SCAMP1: variants seen among roughly 807,000 people sequenced by gnomAD.
The protein encoded by SCAMP1 is secretory carrier membrane protein 1, also known as secretory carrier-associated membrane protein 1.
In SCAMP1, 15 loss-of-function variants were observed where a neutral mutation model predicts 41.8. The ratio of observed to expected loss-of-function variants is 0.36; its 90% CI spans 0.24 to 0.55. The LOEUF (loss-of-function observed/expected upper bound fraction) is 0.55, where lower values mean the gene tolerates loss of function less well. Among genes scored for constraint, SCAMP1 ranks in the 20% least tolerant of loss-of-function variants. The pLI is 0.86. For synonymous variants in SCAMP1, 135 were observed against 136.8 expected (o/e 0.99, Z 0.09); for missense variants, 341 against 412.6 (o/e 0.83, Z 1.50).
At chr5:78,395,066 A>G (rs1276557917) in intron 2 of SCAMP1, among the ~76,000 whole-genome samples, 1 of 152,238 alleles carries the variant, frequency 6.6e-6, no homozygotes, top group Non-Finnish European at 1.5e-5. Context: ...AGGTCAGATT[A>G]GGTCATCTAC....
chr5:78,457,624 A>C (rs1418892745), intron 7 of SCAMP1, among the ~76,000 whole-genome samples: 1 of 152,214 alleles, frequency 6.6e-6, no homozygotes, highest in Non-Finnish European at 1.5e-5. Flanking sequence ...TGCAGAGGTT[A>C]CTGCTGACTT....
At chr5:78,416,117 C>A (rs1487277726) in intron 3 of SCAMP1, among the ~76,000 whole-genome samples, 1 of 152,160 alleles carries the variant, frequency 6.6e-6, no homozygotes, top group Non-Finnish European at 1.5e-5. Context: ...AGAAAATATT[C>A]TTGCATTGGT....
At chr5:78,466,034 A>G (rs897977531) in intron 8 of SCAMP1, among the ~76,000 whole-genome samples, 16 of 152,256 alleles carry the variant, frequency 1.1e-4, no homozygotes, top group African/African-American at 3.6e-4. Context: ...CGGCCTAGCC[A>G]AATTAACATG....
At chr5:78,376,411 C>T (rs962673303) in intron 1 of SCAMP1, among the ~76,000 whole-genome samples, 1 of 152,176 alleles carries the variant, frequency 6.6e-6, no homozygotes, top group East Asian at 1.9e-4. Flanking sequence ...TATAGCACAT[C>T]TATAAAATGC....
intron 2 of SCAMP1, among the ~76,000 whole-genome samples, chr5:78,392,331 CAAGT>C (rs747814382): frequency 6.6e-5 from 10 of 152,246 alleles, no homozygotes; most frequent in Non-Finnish European, 1.5e-4. Flanking sequence ...GGTCAGCTAG[CAAGT>C]AAGTGGCAGA....
In SCAMP1 at chr5:78,360,720, C is replaced by A. The variant is rs1328918640; in HGVS notation, c.49C>A (p.Pro17Thr). Residue 17 changes from proline to threonine, a missense_variant, in exon 1 of 9, where the codon CCC becomes ACC. Physicochemically the swap from Pro to Thr is conservative, Grantham distance 38. Coordinates refer to ENST00000621999, the MANE Select transcript of SCAMP1 (RefSeq NM_004866.6). Reference protein sequence around the residue: ...NPFADPDLNNPFKDPSVTQVT... With the variant: ...NPFADPDLNNTFKDPSVTQVT... ...GTTTGCCGACCCGGATCTCAACAATCCCTTCAAGGTGAGCTTCGGCCCCAG... is the reference window on the plus strand; with the variant it reads ...GTTTGCCGACCCGGATCTCAACAATACCTTCAAGGTGAGCTTCGGCCCCAG... 6.2e-7 allele frequency: 1 copy of A among 1,609,012 alleles called. No homozygotes were observed. Among genetic ancestry groups the A allele is most frequent in the South Asian group, 1.1e-5 (1 of 89,948 alleles).
rs371798292 is a variant in SCAMP1 at position 78,478,184 on chromosome 5, A to G, written c.*2516A>G. On this transcript the variant is annotated 3_prime_UTR_variant, in exon 9 of 9. Transcript: ENST00000621999. The stretch of plus-strand genomic sequence containing the variant: ...TCATGGTTCTACAGAAATGCCCTCC[A>G]TGTGTCCCTCTAATGTTGCATGTTT... 1 of 152,528 alleles carries G rather than the reference A, an allele frequency of 6.6e-6. No homozygotes were observed. The highest frequency in any genetic ancestry group is 1.5e-5 in the Non-Finnish European group (1 of 67,982). 9.4% of individuals were successfully genotyped at this position (152,528 alleles called of 1,614,324 possible).
intron 6 of SCAMP1, among the ~76,000 whole-genome samples, chr5:78,441,667 A>G (rs978589892): frequency 4.6e-5 from 7 of 152,178 alleles, no homozygotes; most frequent in Non-Finnish European, 1.0e-4. Context: ...TACAAACAAA[A>G]CAAAACAAAA....
intron 2 of SCAMP1, among the ~76,000 whole-genome samples, chr5:78,390,976 C>T (rs1267508864): frequency 6.7e-6 from 1 of 150,000 alleles, no homozygotes; most frequent in Non-Finnish European, 1.5e-5. Flanking sequence ...GGGGTAAGGT[C>T]ACAGATCAAC....
At chr5:78,394,125 G>C (rs1435038236) in intron 2 of SCAMP1, among the ~76,000 whole-genome samples, 1 of 152,114 alleles carries the variant, frequency 6.6e-6, no homozygotes, top group Non-Finnish European at 1.5e-5. Flanking sequence ...GAAAATTCCA[G>C]GTACTGACAG....
rs1580715187 is a variant in SCAMP1 at position 78,460,784 on chromosome 5, C to CTTT, written c.852+1422_852+1423insTTT. Reference sequence around the variant, plus strand: ...TCCTTCCTTCCTTCCTTCCTTCCTTCCTTCCTTCCTTCCTTCCTTCCTCCC... The same window carrying CTTT: ...TCCTTCCTTCCTTCCTTCCTTCCTTCTTTCTTCCTTCCTTCCTTCCTTCCTCCC... On this transcript the variant is annotated intron_variant, in intron 8 of 8. Transcript: ENST00000621999. Among the ~76,000 whole-genome samples the CTTT allele has an allele frequency of 2.0e-4, 7 of 35,264 alleles. 1 individual carries two copies. The highest frequency in any genetic ancestry group is 1.4e-3 in the African/African-American group (7 of 4,984). The allele number at this position is 35,264 out of a possible 152,430, so 23.1% of individuals were successfully genotyped here.
intron 6 of SCAMP1, among the ~76,000 whole-genome samples, chr5:78,437,835 G>A (rs548857782): frequency 4.6e-5 from 7 of 152,242 alleles, no homozygotes; most frequent in East Asian, 1.9e-4. Context: ...CTGTGAATCC[G>A]TCTGGTCCTG....
At chr5:78,383,533 AATGTT>A (rs1198371103) in intron 1 of SCAMP1, among the ~76,000 whole-genome samples, 1 of 152,060 alleles carries the variant, frequency 6.6e-6, no homozygotes, top group African/African-American at 2.4e-5. Flanking sequence ...AGATTTTTCC[AATGTT>A]ATGTTCTAGA....
chr5:78,471,353 GA>G (rs1753879012), intron 8 of SCAMP1, among the ~76,000 whole-genome samples: 1 of 152,090 alleles, frequency 6.6e-6, no homozygotes, highest in South Asian at 2.1e-4. Flanking sequence ...AGGGATATCT[GA>G]CCCATCTGTG....
intron 1 of SCAMP1, among the ~76,000 whole-genome samples, chr5:78,371,911 C>A (rs560010832): frequency 1.6e-4 from 25 of 152,194 alleles, no homozygotes; most frequent in Admixed American, 1.5e-3. Flanking sequence ...TTGAGTATTG[C>A]TGAAATCAAA....
chr5:78,391,048 A>T (rs1402916041), intron 2 of SCAMP1, among the ~76,000 whole-genome samples: 2 of 152,000 alleles, frequency 1.3e-5, no homozygotes, highest in Non-Finnish European at 2.9e-5. Context: ...TCCCATGTCT[A>T]CTTCTTTCTA....
intron 1 of SCAMP1, among the ~76,000 whole-genome samples, chr5:78,365,916 T>C (rs530254813): frequency 6.6e-6 from 1 of 152,206 alleles, no homozygotes; most frequent in Non-Finnish European, 1.5e-5. Flanking sequence ...AAGTGTGTTA[T>C]TCATTTGTCT....
chr5:78,471,372 G>C (rs1753879504), intron 8 of SCAMP1, among the ~76,000 whole-genome samples: 3 of 152,094 alleles, frequency 2.0e-5, no homozygotes, highest in African/African-American at 7.2e-5. Flanking sequence ...GTGGGCAGGA[G>C]GGTTCATAGA....
chr5:78,458,451 C>T (rs902573487), intron 7 of SCAMP1, among the ~76,000 whole-genome samples: 1 of 152,040 alleles, frequency 6.6e-6, no homozygotes, highest in Non-Finnish European at 1.5e-5. Context: ...CTCTGCATGT[C>T]TTTTATCCAT....
Sources: allele counts gnomAD v4.1 joint callset (sites outside exome capture counted in the v4.1 genomes callset), GRCh38; gene constraint gnomAD v4.1.1; transcripts MANE v1.5; gene names NCBI Gene and HGNC (gene_info 2026-07-23, HGNC 2026-07-21).